PGCKA1: variants seen among roughly 807,000 people sequenced by gnomAD.
PGCKA1 encodes the protein PDCD10 and GCKIII kinases associated 1, also known as PDCD10 and GCKIII kinases-associated protein 1.
the PGCKA1 span, among the ~76,000 whole-genome samples, chr4:37,475,289 C>CT: frequency 2.6e-5 from 4 of 151,976 alleles, no homozygotes; most frequent in East Asian, 3.9e-4. Context: ...AACAATGCTC[C>CT]TTTTTTTTCC....
chr4:37,478,215 G>C, the PGCKA1 span, among the ~76,000 whole-genome samples: 2 of 136,898 alleles, frequency 1.5e-5, no homozygotes, highest in Admixed American at 7.8e-5. Context: ...TTTACACAAT[G>C]TTTTTCTTCC....
At chr4:37,478,175 A>G in the PGCKA1 span, among the ~76,000 whole-genome samples, 1 of 109,770 alleles carries the variant, frequency 9.1e-6, no homozygotes, top group East Asian at 3.2e-4. Flanking sequence ...TTGTGCTGCC[A>G]TTAGTGATCT....
the PGCKA1 span, among the ~76,000 whole-genome samples, chr4:37,505,424 T>A: frequency 6.6e-6 from 1 of 152,202 alleles, no homozygotes; most frequent in Non-Finnish European, 1.5e-5. Context: ...GGTATCAGAG[T>A]AATACTGGCC....
chr4:37,508,664 C>CT, the PGCKA1 span, among the ~76,000 whole-genome samples: 4,318 of 86,234 alleles, frequency 0.05, 254 homozygotes, highest in African/African-American at 0.18. Flanking sequence ...TCACCCTCTT[C>CT]TTTTTTTTTT....
chr4:37,504,057 T>C, the PGCKA1 span, among the ~76,000 whole-genome samples: 2 of 152,220 alleles, frequency 1.3e-5, no homozygotes. Flanking sequence ...AATGTTTTCT[T>C]ATAGTAGTTT....
At chr4:37,538,618 C>T in the PGCKA1 span, among the ~76,000 whole-genome samples, 1 of 152,144 alleles carries the variant, frequency 6.6e-6, no homozygotes, top group Non-Finnish European at 1.5e-5. Context: ...GGGTTTCTGC[C>T]TGGGACAGGT....
At chr4:37,589,785 C>A in the PGCKA1 span, among the ~76,000 whole-genome samples, 1 of 152,162 alleles carries the variant, frequency 6.6e-6, no homozygotes, top group Non-Finnish European at 1.5e-5. Flanking sequence ...GTGCCTACCA[C>A]CTCACCCAGC....
chr4:37,474,311 T>C, the PGCKA1 span, among the ~76,000 whole-genome samples: 83 of 152,238 alleles, frequency 5.5e-4, no homozygotes, highest in African/African-American at 2.0e-3. Context: ...AAGGACCTCA[T>C]ATAAAATAAA....
At chr4:37,566,942 G>C in the PGCKA1 span, among the ~76,000 whole-genome samples, 1 of 152,026 alleles carries the variant, frequency 6.6e-6, no homozygotes, top group East Asian at 1.9e-4. Flanking sequence ...GCTATATCCT[G>C]CCATCTGCTG....
the PGCKA1 span, among the ~76,000 whole-genome samples, chr4:37,471,257 A>G: frequency 2.0e-5 from 3 of 152,176 alleles, no homozygotes; most frequent in Non-Finnish European, 4.4e-5. Context: ...ACAGCTAGGT[A>G]TTTGCCATAG....
chr4:37,485,705 T>C, the PGCKA1 span, among the ~76,000 whole-genome samples: 2 of 152,164 alleles, frequency 1.3e-5, no homozygotes, highest in East Asian at 1.9e-4. Context: ...ATACCACCAA[T>C]TGAGTCATTT....
At chr4:37,477,996 TACA>T in the PGCKA1 span, among the ~76,000 whole-genome samples, 4 of 152,186 alleles carry the variant, frequency 2.6e-5, no homozygotes, top group Non-Finnish European at 5.9e-5. Context: ...TTACACCAAG[TACA>T]TACAAAAACT....
At chr4:37,553,774 A>C in the PGCKA1 span, among the ~76,000 whole-genome samples, 1 of 152,200 alleles carries the variant, frequency 6.6e-6, no homozygotes, top group Non-Finnish European at 1.5e-5. Context: ...TGATATTTTT[A>C]AGTCAAATTT....
At chr4:37,538,026 TCAC>T in the PGCKA1 span, among the ~76,000 whole-genome samples, 58 of 151,702 alleles carry the variant, frequency 3.8e-4, no homozygotes, top group East Asian at 0.011. Flanking sequence ...ACTTCCACTG[TCAC>T]CACCATCACC....
the PGCKA1 span, among the ~76,000 whole-genome samples, chr4:37,550,132 G>A: frequency 6.6e-6 from 1 of 152,166 alleles, no homozygotes; most frequent in Admixed American, 6.5e-5. Flanking sequence ...AATCCAGGAA[G>A]TGACCAGCCC....
chr4:37,491,298 A>G, the PGCKA1 span, among the ~76,000 whole-genome samples: 1 of 152,228 alleles, frequency 6.6e-6, no homozygotes, highest in South Asian at 2.1e-4. Context: ...CACCACAGGC[A>G]GTTAATTCCC....
At chr4:37,557,645 A>T in the PGCKA1 span, among the ~76,000 whole-genome samples, 53,335 of 152,078 alleles carry the variant, frequency 0.35, 9,572 homozygotes, top group Non-Finnish European at 0.38. Flanking sequence ...TGGTTTCAAC[A>T]TATGAATTTG....
chr4:37,531,675 G>A, the PGCKA1 span, among the ~76,000 whole-genome samples: 13 of 151,382 alleles, frequency 8.6e-5, no homozygotes, highest in African/African-American at 1.9e-4. Context: ...GGCGGATCAC[G>A]AGGTCAGGAG....
chr4:37,499,820 G>T, the PGCKA1 span, among the ~76,000 whole-genome samples: 5 of 147,948 alleles, frequency 3.4e-5, no homozygotes, highest in African/African-American at 7.5e-5. Context: ...TTTGATTTTG[G>T]TTATTTCTTG....
Sources: gnomAD v4.1 joint callset for allele counts (sites outside exome capture counted in the v4.1 genomes callset) on GRCh38, gnomAD v4.1.1 for gene constraint, MANE v1.5 for transcripts, NCBI Gene and HGNC (gene_info 2026-07-23, HGNC 2026-07-21) for gene names.